Variants in MGAM2 observed in about 807,000 individuals in gnomAD.
MGAM2 encodes the protein maltase-glucoamylase 2 (putative).
Under a neutral mutation model 96.1 loss-of-function variants are expected in MGAM2, and 98 were observed. The observed-to-expected ratio is 1.02, with a 90% CI of 0.87 to 1.21. The LOEUF is 1.21. MGAM2 is among the 50% of genes most tolerant of loss of function. The pLI is 0.00. For missense variants in MGAM2, 2,055 were observed against 1,182.4 expected (o/e 1.74, Z -10.82); for synonymous variants, 749 against 414.8 (o/e 1.81, Z -9.79).
rs1411864554 is a variant in MGAM2, at chr7:142,173,278, T to G, written c.3611T>G (p.Leu1204Arg). The G allele has an allele frequency of 7.1e-6, 5 of 703,188 alleles. No homozygotes were observed. The East Asian group carries it at 1.3e-4, about 19-fold the overall frequency. The allele number at this position is 703,188 out of a possible 1,614,324, so 43.6% of individuals were successfully genotyped here. ...CCATACTGGGCCTTGGGATTCCATCTGAGTCGCTATGGATACCAGAATGAT... is the reference window on the plus strand; with the variant it reads ...CCATACTGGGCCTTGGGATTCCATCGGAGTCGCTATGGATACCAGAATGAT... The part of the protein sequence containing the change: ...MIPYWALGFH[L>R]SRYGYQNDAE... Residue 1204 changes from leucine (L) to arginine (R), a missense_variant, in exon 31 of 48, where the codon CTG (leucine) becomes CGG (arginine). Coordinates refer to ENST00000477922, the MANE Select transcript of MGAM2 (RefSeq NM_001293626.2).
intron 12 of MGAM2, among the ~76,000 whole-genome samples, chr7:142,141,334 T>A (rs1041139164): frequency 1.3e-5 from 2 of 152,122 alleles, no homozygotes; most frequent in African/African-American, 2.4e-5. Context: ...ATACCATAGA[T>A]AATTGAGAAG....
At chr7:142,189,632 C>T (rs1335610777) in intron 37 of MGAM2, 127 bp downstream of exon 37, 8 of 477,464 alleles carry the variant, frequency 1.7e-5, no homozygotes, top group East Asian at 1.0e-4. Context: ...ATTTCAGGCA[C>T]GGTTGCCCAA....
chr7:142,116,517 G>C (rs1817407343), intron 1 of MGAM2, among the ~76,000 whole-genome samples: 1 of 152,180 alleles, frequency 6.6e-6, no homozygotes, highest in African/African-American at 2.4e-5. Flanking sequence ...TGGATGTGAA[G>C]ATCAAAGTGA....
intron 3 of MGAM2, among the ~76,000 whole-genome samples, chr7:142,123,689 T>C (rs1403835089): frequency 1.3e-5 from 2 of 152,154 alleles, no homozygotes; most frequent in Non-Finnish European, 2.9e-5. Flanking sequence ...AAATCCTTTG[T>C]TAGATATATA....
intron 37 of MGAM2, among the ~76,000 whole-genome samples, chr7:142,192,947 A>G (rs1045881702): frequency 1.3e-5 from 2 of 152,224 alleles, no homozygotes; most frequent in Admixed American, 6.5e-5. Flanking sequence ...TGATATAATG[A>G]ATCCACAAGT....
chr7:142,136,002 A>G (rs906729391), intron 7 of MGAM2, among the ~76,000 whole-genome samples: 1 of 152,206 alleles, frequency 6.6e-6, no homozygotes, highest in Non-Finnish European at 1.5e-5. Context: ...GTTATAATTC[A>G]TAGGCCAAAA....
chr7:142,175,020 G>A (rs1300150517), intron 31 of MGAM2, among the ~76,000 whole-genome samples: 3 of 152,150 alleles, frequency 2.0e-5, no homozygotes, highest in South Asian at 2.1e-4. Context: ...TGCCTAGCCC[G>A]TTTATTTATT....
At chr7:142,213,963 C>T (rs111767532) in intron 46 of MGAM2, among the ~76,000 whole-genome samples, 117,312 of 152,092 alleles carry the variant, frequency 0.77, 45,829 homozygotes, top group African/African-American at 0.91. Context: ...AAAGCCATGA[C>T]CAAGTTGGCT....
At chr7:142,149,259 G>T (rs1339631766) in intron 15 of MGAM2, among the ~76,000 whole-genome samples, 1 of 151,666 alleles carries the variant, frequency 6.6e-6, no homozygotes, top group Non-Finnish European at 1.5e-5. Context: ...ATACTTCTCT[G>T]CCTGGTGCCT....
intron 47 of MGAM2, among the ~76,000 whole-genome samples, chr7:142,219,395 A>G (rs991957045): frequency 1.4e-4 from 21 of 152,084 alleles, no homozygotes; most frequent in African/African-American, 4.8e-4. Flanking sequence ...GTTCAAAACC[A>G]CTCTTTGCAA....
intron 2 of MGAM2, among the ~76,000 whole-genome samples, chr7:142,117,961 A>G (rs1817473849): frequency 6.6e-6 from 1 of 150,622 alleles, no homozygotes; most frequent in African/African-American, 2.4e-5. Context: ...TTTTTTGAAG[A>G]TGTATTTCCA....
chr7:142,143,796 G>T lies in MGAM2; in HGVS notation c.1345G>T (p.Asp449Tyr), dbSNP rs1180885646. The change falls in exon 13 of 48, where the codon GAT becomes TAT. Residue 449 changes from aspartate (D) to tyrosine (Y), a missense_variant. Transcript: ENST00000477922. ...ATATCCGGGACCGACAGTCTTTCCC[G>T]ATTATACCAATCCAGTATGCACTGA... ...EGYPGPTVFP[D>Y]YTNPVCTEWW... 2.9e-6 allele frequency: 2 copies of T among 687,384 alleles called. No individual in the cohort carries two copies. Among genetic ancestry groups the T allele is most frequent in the Admixed American group, 4.0e-5 (2 of 49,512 alleles). The allele number at this position is 687,384 out of a possible 1,614,324, so 42.6% of individuals were successfully genotyped here. A position where few individuals can be genotyped will look rare whatever the true frequency, so the allele number is the denominator to read the frequency against.
chr7:142,157,837 T>G (rs1795778907), intron 17 of MGAM2, 100 bp from the exon 18 acceptor site: 1 of 643,594 alleles, frequency 1.6e-6, no homozygotes, highest in African/African-American at 1.8e-5. Context: ...ATTCTCCAAG[T>G]TGGAGGAAGT....
At chr7:142,140,184 C>CT (rs1465419487) in intron 10 of MGAM2, among the ~76,000 whole-genome samples, 1 of 152,122 alleles carries the variant, frequency 6.6e-6, no homozygotes, top group Non-Finnish European at 1.5e-5. Flanking sequence ...CCTCATCAGC[C>CT]CCCCTACCTC....
intron 3 of MGAM2, among the ~76,000 whole-genome samples, chr7:142,124,579 T>C (rs887538570): frequency 1.3e-5 from 2 of 152,168 alleles, no homozygotes; most frequent in Admixed American, 6.5e-5. Flanking sequence ...ACATTTTAAT[T>C]TTAATGTCTC....
intron 46 of MGAM2, among the ~76,000 whole-genome samples, chr7:142,208,855 G>A (rs1018531720): frequency 1.3e-5 from 2 of 152,080 alleles, no homozygotes; most frequent in African/African-American, 4.8e-5. Flanking sequence ...CAATGCTGGG[G>A]AAAAAATGGG....
rs1467815729 is a variant in MGAM2, at chr7:142,114,834, A to G, written c.1-2040A>G. ...GAGAGAGAATAGTTTCTGCAAAATC[A>G]TTATTTTTTGGGTGATATCAGAGAT... is the stretch of plus-strand genomic sequence containing the variant. On this transcript the variant is annotated intron_variant, in intron 1 of 47. Coordinates refer to ENST00000477922, the MANE Select transcript of MGAM2 (RefSeq NM_001293626.2). Among the ~76,000 whole-genome samples, 6 of 152,296 alleles carry G rather than the reference A, an allele frequency of 3.9e-5. No homozygotes were observed. In the East Asian group the frequency reaches 1.2e-3, roughly 29 times the overall value.
At chr7:142,196,366 T>C (rs1797035856) in intron 38 of MGAM2, 79 bp downstream of exon 38, 1 of 657,868 alleles carries the variant, frequency 1.5e-6, no homozygotes, top group Non-Finnish European at 2.7e-6. Flanking sequence ...ACTGGTTATG[T>C]CTCTATCATC....
chr7:142,139,923 G>A (rs911560038), intron 10 of MGAM2, among the ~76,000 whole-genome samples: 22 of 152,004 alleles, frequency 1.4e-4, no homozygotes, highest in Admixed American at 6.6e-5. Flanking sequence ...ATTTTCTTCC[G>A]CAAATAGAAT....
Sources: allele counts gnomAD v4.1 joint callset (sites outside exome capture counted in the v4.1 genomes callset), GRCh38; gene constraint gnomAD v4.1.1; transcripts MANE v1.5; gene names NCBI Gene and HGNC (gene_info 2026-07-23, HGNC 2026-07-21).